Variants in PCDH9 observed in about 807,000 individuals in gnomAD.
PCDH9 encodes protocadherin-9.
In PCDH9, 24 loss-of-function variants were observed where a neutral mutation model predicts 70.6. That is an observed-to-expected ratio of 0.34 (90% CI 0.25 to 0.48). PCDH9 has a LOEUF of 0.48. Ranked by LOEUF, PCDH9 falls within the 20% of genes least tolerant of loss-of-function variation. The pLI is 0.99. For missense variants in PCDH9, 1,281 were observed against 1,503.6 expected (o/e 0.85, Z 2.45); for synonymous variants, 562 against 558.5 (o/e 1.01, Z -0.09).
chr13:66,998,022 T>G (rs1261474369), intron 2 of PCDH9, among the ~76,000 whole-genome samples: 1 of 152,212 alleles, frequency 6.6e-6, no homozygotes, highest in Admixed American at 6.5e-5. Flanking sequence ...CATAAAGATA[T>G]GTAGATGCAG....
intron 3 of PCDH9, among the ~76,000 whole-genome samples, chr13:66,862,689 C>T (rs556903961): frequency 8.5e-5 from 13 of 152,202 alleles, no homozygotes; most frequent in African/African-American, 3.1e-4. Context: ...GAAATGAAGT[C>T]CATTTTTTCC....
At chr13:66,418,248 A>G (rs1180072063) in intron 4 of PCDH9, among the ~76,000 whole-genome samples, 1 of 152,206 alleles carries the variant, frequency 6.6e-6, no homozygotes, top group Non-Finnish European at 1.5e-5. Context: ...TCCAAACACC[A>G]TTTATAAAAT....
At chr13:66,554,847 AT>A (rs2138688773) in intron 4 of PCDH9, among the ~76,000 whole-genome samples, 1 of 152,302 alleles carries the variant, frequency 6.6e-6, no homozygotes, top group Admixed American at 6.5e-5. Context: ...AATATACAAT[AT>A]AAGGTAGTTT....
chr13:66,719,988 T>C (rs1192341581), intron 3 of PCDH9, among the ~76,000 whole-genome samples: 1 of 152,164 alleles, frequency 6.6e-6, no homozygotes, highest in African/African-American at 2.4e-5. Flanking sequence ...TATGCTATAA[T>C]TAAATATTCC....
intron 4 of PCDH9, among the ~76,000 whole-genome samples, chr13:66,406,599 G>A (rs949853336): frequency 6.6e-6 from 1 of 152,016 alleles, no homozygotes; most frequent in African/African-American, 2.4e-5. Flanking sequence ...ATTCATCTTC[G>A]TGTGGCTTGT....
chr13:66,820,299 T>C (rs1487428667), intron 3 of PCDH9, among the ~76,000 whole-genome samples: 11 of 152,216 alleles, frequency 7.2e-5, no homozygotes, highest in Non-Finnish European at 1.5e-4. Context: ...TTATTTCTCC[T>C]ACTCCTAGAA....
chr13:66,669,302 A>G (rs2078140444), intron 3 of PCDH9, among the ~76,000 whole-genome samples: 1 of 152,170 alleles, frequency 6.6e-6, no homozygotes, highest in South Asian at 2.1e-4. Context: ...TTTCAACCTC[A>G]GCAAACAAGT....
At chr13:66,406,757 C>G (rs1461132633) in intron 4 of PCDH9, among the ~76,000 whole-genome samples, 2 of 152,004 alleles carry the variant, frequency 1.3e-5, no homozygotes, top group Non-Finnish European at 2.9e-5. Flanking sequence ...GGTGCGAAAA[C>G]AAACAAATAA....
chr13:66,729,316 T>G (rs2079042754), intron 3 of PCDH9, among the ~76,000 whole-genome samples: 1 of 152,154 alleles, frequency 6.6e-6, no homozygotes, highest in African/African-American at 2.4e-5. Flanking sequence ...TCCTCTTGGA[T>G]CAGGCTCTTA....
chr13:66,834,555 A>C (rs2080983809), intron 3 of PCDH9, among the ~76,000 whole-genome samples: 1 of 152,192 alleles, frequency 6.6e-6, no homozygotes, highest in African/African-American at 2.4e-5. Flanking sequence ...AAACACTAGA[A>C]TGCTTTCGAA....
intron 2 of PCDH9, among the ~76,000 whole-genome samples, chr13:66,963,428 C>A (rs751471087): frequency 1.3e-4 from 20 of 152,170 alleles, no homozygotes; most frequent in Non-Finnish European, 2.9e-4. Context: ...TCCAGCATTT[C>A]ATATTTGCTC....
chr13:66,828,656 C>T (rs2080866474), intron 3 of PCDH9, among the ~76,000 whole-genome samples: 1 of 151,864 alleles, frequency 6.6e-6, no homozygotes. Flanking sequence ...CACTGTCTTG[C>T]CTTGGTAAAT....
chr13:66,365,182 T>C (rs1382868356), intron 4 of PCDH9, among the ~76,000 whole-genome samples: 1 of 152,170 alleles, frequency 6.6e-6, no homozygotes, highest in African/African-American at 2.4e-5. Context: ...ATTTGCTAGC[T>C]CATCACATCA....
chr13:66,332,858 T>A (rs1955968576), intron 4 of PCDH9, among the ~76,000 whole-genome samples: 5 of 151,692 alleles, frequency 3.3e-5, no homozygotes, highest in African/African-American at 1.2e-4. Context: ...TGTGAAAATA[T>A]ATGTACTTAT....
At chr13:66,572,959 G>T (rs980226244) in intron 4 of PCDH9, among the ~76,000 whole-genome samples, 2 of 152,018 alleles carry the variant, frequency 1.3e-5, no homozygotes, top group African/African-American at 4.8e-5. Context: ...GACTCATGAT[G>T]TTGCCCAGGC....
chr13:67,058,970 T>A (rs1449340540), intron 2 of PCDH9, among the ~76,000 whole-genome samples: 2 of 152,108 alleles, frequency 1.3e-5, no homozygotes, highest in African/African-American at 4.8e-5. Flanking sequence ...AACCACAGCA[T>A]AAGTTAGGGC....
intron 3 of PCDH9, among the ~76,000 whole-genome samples, chr13:66,638,916 C>T (rs1036083494): frequency 3.9e-5 from 6 of 152,112 alleles, no homozygotes; most frequent in Non-Finnish European, 8.8e-5. Context: ...CTCCTTTCCT[C>T]TTTGAATTTT....
intron 3 of PCDH9, among the ~76,000 whole-genome samples, chr13:66,892,458 TG>T (rs2082112401): frequency 6.6e-6 from 1 of 151,950 alleles, no homozygotes; most frequent in South Asian, 2.1e-4. Context: ...TAGCTACATG[TG>T]TGTCATTCTT....
At chr13:66,563,936 A>T (rs376050446) in intron 4 of PCDH9, among the ~76,000 whole-genome samples, 63 of 151,092 alleles carry the variant, frequency 4.2e-4, no homozygotes, top group African/African-American at 1.5e-3. Flanking sequence ...GTTTTTTTTT[A>T]AATTGTTAGT....
Sources: gnomAD v4.1 joint callset for allele counts (sites outside exome capture counted in the v4.1 genomes callset) on GRCh38, gnomAD v4.1.1 for gene constraint, MANE v1.5 for transcripts, NCBI Gene and HGNC (gene_info 2026-07-23, HGNC 2026-07-21) for gene names.